KIF13A: variants seen among roughly 807,000 people sequenced by gnomAD.
KIF13A encodes kinesin family member 13A.
A neutral mutation model predicts 212.2 loss-of-function variants in KIF13A; 79 were observed. The observed-to-expected ratio is 0.37, with a 90% CI of 0.31 to 0.45. The LOEUF (loss-of-function observed/expected upper bound fraction) is 0.45, where lower values mean the gene tolerates loss of function less well. Ranked by LOEUF, KIF13A falls within the 20% of genes least tolerant of loss-of-function variation. The pLI, the probability that KIF13A is intolerant of heterozygous loss-of-function variation, is 1.00. For synonymous variants in KIF13A, 789 were observed against 808.6 expected (o/e 0.98, Z 0.41); for missense variants, 1,901 against 2,209.0 (o/e 0.86, Z 2.79).
At chr6:17,827,163 C>T (rs1425816107) in intron 14 of KIF13A, among the ~76,000 whole-genome samples, 2 of 152,110 alleles carry the variant, frequency 1.3e-5, no homozygotes, top group Admixed American at 6.6e-5. Context: ...GGAGCAACTA[C>T]GACTCACTAC....
intron 2 of KIF13A, chr6:17,953,881 A>G: frequency 5.1e-6 from 1 of 195,634 alleles, no homozygotes; most frequent in Admixed American, 4.7e-5. Flanking sequence ...GTGCTGTAGG[A>G]CTATGGCAAA....
chr6:17,952,516 G>C (rs913747332), intron 2 of KIF13A, among the ~76,000 whole-genome samples: 53 of 151,862 alleles, frequency 3.5e-4, no homozygotes, highest in African/African-American at 1.2e-3. Flanking sequence ...TCGCATCTGT[G>C]GTCTTAGCTA....
At chr6:17,761,462 C>T (rs1006994390), downstream of KIF13A, among the ~76,000 whole-genome samples, 1 of 152,062 alleles carries the variant, frequency 6.6e-6, no homozygotes, top group African/African-American at 2.4e-5. Context: ...CAGCTCACTG[C>T]AACTTTCACC....
At chr6:17,917,228 C>T (rs2150513884) in intron 2 of KIF13A, among the ~76,000 whole-genome samples, 1 of 141,302 alleles carries the variant, frequency 7.1e-6, no homozygotes, top group East Asian at 2.1e-4. Context: ...CTACATTTTA[C>T]ACGATTCTTT....
chr6:17,946,441 G>GCCAAAAAA (rs1777403875), intron 2 of KIF13A, among the ~76,000 whole-genome samples: 1 of 147,622 alleles, frequency 6.8e-6, no homozygotes, highest in Non-Finnish European at 1.5e-5. Flanking sequence ...ATTTTAAAAG[G>GCCAAAAAA]CCAAAAAAAA....
At chr6:17,795,438 A>AG (rs1364658808) in intron 23 of KIF13A, among the ~76,000 whole-genome samples, 1 of 151,820 alleles carries the variant, frequency 6.6e-6, no homozygotes, top group East Asian at 1.9e-4. Flanking sequence ...CAAAAAAAAA[A>AG]AAAAAAATTA....
At chr6:17,910,995 C>A (rs1288196680) in intron 2 of KIF13A, among the ~76,000 whole-genome samples, 2 of 152,150 alleles carry the variant, frequency 1.3e-5, no homozygotes, top group Non-Finnish European at 2.9e-5. Context: ...GATCTCCCGA[C>A]CTCATGATCC....
chr6:17,827,515 ATT>A lies in KIF13A; in HGVS notation c.1532+723_1532+724del, dbSNP rs35848228. On this transcript the variant is annotated intron_variant, in intron 14 of 38. Transcript: ENST00000259711. ...GGTTTCATTATATTATTCTCTCTACATTTTTTTTTTTTTTTGAGACAGGGTCT... is the reference window on the plus strand; with the variant it reads ...GGTTTCATTATATTATTCTCTCTACATTTTTTTTTTTTTGAGACAGGGTCT... 5.0e-3 allele frequency among the ~76,000 whole-genome samples: 712 copies of A among 142,420 alleles called. 6 individuals carry two copies. Among genetic ancestry groups the A allele is most frequent in the African/African-American group, 0.014 (540 of 38,506 alleles). The allele number at this position is 142,420 out of a possible 152,430, so 93.4% of individuals were successfully genotyped here.
chr6:17,963,925 T>C lies in KIF13A; in HGVS notation c.146+23129A>G, dbSNP rs1779076802. 2.0e-5 allele frequency among the ~76,000 whole-genome samples: 3 copies of C among 152,196 alleles called. No homozygotes were observed. The highest frequency in any genetic ancestry group is 7.2e-5 in the African/African-American group (3 of 41,448). On this transcript the variant is annotated intron_variant, in intron 2 of 38. Transcript: ENST00000259711. The surrounding 1 kb of genome is among the most constrained non-coding windows in gnomAD (Gnocchi z 4.1). ...GCAACTGTAAAAACTCAAGAAAGTGTACCCTTAAAATGGGTGCATTTTATC... is the reference window on the plus strand; with the variant it reads ...GCAACTGTAAAAACTCAAGAAAGTGCACCCTTAAAATGGGTGCATTTTATC...
chr6:17,878,373 A>G (rs1770757497), intron 3 of KIF13A, among the ~76,000 whole-genome samples: 1 of 151,516 alleles, frequency 6.6e-6, no homozygotes, highest in South Asian at 2.1e-4. Context: ...AGTTATTGCT[A>G]TATGTAGTGG....
rs151112608 is a variant in KIF13A, at chr6:17,789,770, G to A, written c.3261+102C>T. On this transcript the variant is annotated intron_variant, in intron 26 of 38. Transcript: ENST00000259711. The surrounding 1 kb of genome is among the most constrained non-coding windows in gnomAD (Gnocchi z 4.8). The stretch of plus-strand genomic sequence containing the variant: ...AGCAAGTGAAAAACTGCATATTCTC[G>A]CTCTAGGGCCCTCCTTCCTCCTCCC... 761 of 847,894 alleles carry A rather than the reference G, an allele frequency of 9.0e-4. 6 individuals carry two copies. The East Asian group carries it at 0.019, about 21-fold the overall frequency. The allele number at this position is 847,894 out of a possible 1,614,324, so 52.5% of individuals were successfully genotyped here.
chr6:17,825,998 A>G lies in KIF13A; in HGVS notation c.1619+40T>C. On this transcript the variant is annotated intron_variant, in intron 15 of 38. Transcript: ENST00000259711. This position sits in a 1 kb window ranked among gnomAD's most constrained non-coding sequence, Gnocchi z 4.5. The stretch of plus-strand genomic sequence containing the variant: ...TTACACTTAAATAGATAACAGAAAA[A>G]ATGTATACGAAAATATATTACAGAA... 1 of 1,610,620 alleles carries G rather than the reference A, an allele frequency of 6.2e-7. No homozygotes were observed. The highest frequency in any genetic ancestry group is 8.5e-7 in the Non-Finnish European group (1 of 1,177,264).
chr6:17,759,813 C>G (rs1286197827), downstream of KIF13A: 8 of 152,194 alleles, frequency 5.3e-5, no homozygotes, highest in African/African-American at 1.9e-4. Context: ...TGAAACCTAC[C>G]AATCCAAAAC....
chr6:17,776,712 G>C lies in KIF13A; in HGVS notation c.4170+565C>G, dbSNP rs983919946. 2.0e-5 allele frequency among the ~76,000 whole-genome samples: 3 copies of C among 152,234 alleles called. No individual in the cohort carries two copies. The highest frequency in any genetic ancestry group is 2.9e-5 in the Non-Finnish European group (2 of 68,046). ...ACTCAGCTGCTTCTGGGAAGTGGCTGCTTAGAAGTGCTCCATGCACTAATC... is the reference window on the plus strand; with the variant it reads ...ACTCAGCTGCTTCTGGGAAGTGGCTCCTTAGAAGTGCTCCATGCACTAATC... On this transcript the variant is annotated intron_variant, in intron 34 of 38. Coordinates refer to ENST00000259711, the MANE Select transcript of KIF13A (RefSeq NM_022113.6). The surrounding 1 kb of genome is among the most constrained non-coding windows in gnomAD (Gnocchi z 4.6).
chr6:17,921,604 C>T (rs1238806610), intron 2 of KIF13A, among the ~76,000 whole-genome samples: 2 of 152,146 alleles, frequency 1.3e-5, no homozygotes, highest in African/African-American at 4.8e-5. Flanking sequence ...AATGGGTGTG[C>T]CCCTTCACTG....
At chr6:17,766,049 T>A (rs1758925080) in intron 38 of KIF13A, among the ~76,000 whole-genome samples, 1 of 152,174 alleles carries the variant, frequency 6.6e-6, no homozygotes, top group Non-Finnish European at 1.5e-5. Flanking sequence ...AAGAATTTCA[T>A]TCACAGGTAA....
intron 2 of KIF13A, among the ~76,000 whole-genome samples, chr6:17,944,663 G>C (rs184332243): frequency 2.6e-5 from 4 of 151,996 alleles, no homozygotes; most frequent in Non-Finnish European, 4.4e-5. Flanking sequence ...CAAAAAACAC[G>C]TAGAAATTCC....
At chr6:17,920,719 C>G (rs879779781) in intron 2 of KIF13A, among the ~76,000 whole-genome samples, 1 of 151,748 alleles carries the variant, frequency 6.6e-6, no homozygotes, top group Admixed American at 6.6e-5. Context: ...ACTAAAAATA[C>G]AAAAATTAGC....
Position 17,886,889 on chromosome 6 carries a change from AG to A in KIF13A, c.159+11278del, listed in dbSNP as rs1400932606. Among the ~76,000 whole-genome samples the A allele has an allele frequency of 1.3e-4, 19 of 151,242 alleles. No homozygotes were observed. The highest frequency in any genetic ancestry group is 3.9e-4 in the African/African-American group (16 of 40,740). ...TTGTTTTGTTGTCGTTGTTAAAAAG[AG>A]GAAAAAAAAAAAAGTCTTGGGAAAT... On this transcript the variant is annotated intron_variant, in intron 3 of 38. Transcript: ENST00000259711. This position sits in a 1 kb window ranked among gnomAD's most constrained non-coding sequence, Gnocchi z 5.6.
Sources: gnomAD v4.1 joint callset for allele counts (sites outside exome capture counted in the v4.1 genomes callset) on GRCh38, gnomAD v4.1.1 for gene constraint, Gnocchi (gnomAD v3.1) non-coding constraint, MANE v1.5 for transcripts, NCBI Gene and HGNC (gene_info 2026-07-23, HGNC 2026-07-21) for gene names.